Variants in WDR7 observed in about 807,000 individuals in gnomAD.
WDR7 encodes the protein WD repeat-containing protein 7.
WDR7 carries 46 observed loss-of-function variants against 169.4 expected under a neutral mutation model. The ratio of observed to expected loss-of-function variants is 0.27; its 90% confidence interval spans 0.21 to 0.35. WDR7 has a LOEUF of 0.35. Ranked by LOEUF, WDR7 falls within the 10% of genes least tolerant of loss-of-function variation. The pLI, the probability that WDR7 is intolerant of heterozygous loss-of-function variation, is 1.00. For synonymous variants in WDR7, 612 were observed against 666.8 expected (o/e 0.92, Z 1.27); for missense variants, 1,534 against 1,859.3 (o/e 0.83, Z 3.22).
intron 20 of WDR7, among the ~76,000 whole-genome samples, chr18:56,846,285 C>T (rs903925897): frequency 6.6e-6 from 1 of 151,956 alleles, no homozygotes; most frequent in Non-Finnish European, 1.5e-5. Context: ...TTGGCTGTGT[C>T]CCCACTCAAA....
chr18:56,789,556 G>A (rs1258032205), intron 19 of WDR7, among the ~76,000 whole-genome samples: 1 of 152,230 alleles, frequency 6.6e-6, no homozygotes, highest in Non-Finnish European at 1.5e-5. Flanking sequence ...TCAATCACAT[G>A]TCCCTTGTAT....
intron 1 of WDR7, among the ~76,000 whole-genome samples, chr18:56,658,732 C>T (rs536022337): frequency 7.2e-5 from 11 of 152,036 alleles, no homozygotes; most frequent in African/African-American, 1.2e-4. Context: ...TTTTTTTTAA[C>T]GACAGAGTCT....
chr18:56,674,914 T>C (rs1222538355), intron 2 of WDR7, among the ~76,000 whole-genome samples: 2 of 152,320 alleles, frequency 1.3e-5, no homozygotes, highest in Middle Eastern at 3.4e-3. Context: ...CCTAGCACTA[T>C]TGGTCAGAAG....
chr18:56,736,644 G>T (rs992606821), intron 14 of WDR7, among the ~76,000 whole-genome samples: 3 of 151,694 alleles, frequency 2.0e-5, no homozygotes, highest in African/African-American at 7.3e-5. Context: ...TAAGAATTGG[G>T]GTGTGTAGGT....
At position 56,781,556 on chromosome 18, in the gene WDR7, G is replaced by C. The variant is rs560174681; in HGVS notation, c.3090G>C (p.Leu1030=). The C allele has an allele frequency of 2.5e-6, 4 of 1,610,796 alleles. No homozygotes were observed. The African/African-American group carries it at 4.0e-5, about 16-fold the overall frequency. ...AGGTGAGAGAAGCCGCGCAGGCCCT[G>C]CTTCTGGCGGAACTGAGAAGAATTG... The part of the protein sequence containing the change: ...CLEVREAAQA[L]LLAELRRIEQ... The change falls in exon 19 of 28, where the codon CTG becomes CTC. Residue 1030 remains leucine (L), a synonymous_variant. Transcript: ENST00000254442.
chr18:56,799,526 C>T (rs979113003), intron 19 of WDR7, among the ~76,000 whole-genome samples: 1 of 151,922 alleles, frequency 6.6e-6, no homozygotes, highest in Non-Finnish European at 1.5e-5. Flanking sequence ...CATAAAAGAG[C>T]TGACAACACT....
At chr18:56,659,349 C>T (rs950768232) in intron 1 of WDR7, among the ~76,000 whole-genome samples, 19 of 152,058 alleles carry the variant, frequency 1.2e-4, no homozygotes, top group Admixed American at 2.0e-4. Context: ...CTTAAACCAA[C>T]GCAAACATAT....
intron 25 of WDR7, among the ~76,000 whole-genome samples, chr18:56,952,302 A>G (rs996972456): frequency 6.6e-6 from 1 of 152,222 alleles, no homozygotes; most frequent in Non-Finnish European, 1.5e-5. Context: ...TTCCTCCTGT[A>G]TGAAACAAGG....
At chr18:56,734,722 C>T (rs1313193404) in intron 14 of WDR7, among the ~76,000 whole-genome samples, 3 of 152,054 alleles carry the variant, frequency 2.0e-5, no homozygotes, top group East Asian at 1.9e-4. Context: ...TTTGTTCATA[C>T]GTTTCCCAAA....
At chr18:56,858,366 A>G (rs2045753894) in intron 20 of WDR7, among the ~76,000 whole-genome samples, 1 of 152,292 alleles carries the variant, frequency 6.6e-6, no homozygotes, top group East Asian at 1.9e-4. Flanking sequence ...TCACCATATA[A>G]TTCAAAAATT....
chr18:56,945,147 TAGTG>T (rs1267125696), intron 25 of WDR7, among the ~76,000 whole-genome samples: 1 of 151,998 alleles, frequency 6.6e-6, no homozygotes, highest in Non-Finnish European at 1.5e-5. Flanking sequence ...AATGTAAAAA[TAGTG>T]AGGAAATTGA....
At chr18:56,813,837 C>T (rs2044918311) in intron 19 of WDR7, among the ~76,000 whole-genome samples, 1 of 152,090 alleles carries the variant, frequency 6.6e-6, no homozygotes, top group Non-Finnish European at 1.5e-5. Flanking sequence ...GGTCTTTCAG[C>T]CTCAGTTACT....
chr18:56,924,409 A>G (rs2046774898), intron 22 of WDR7, among the ~76,000 whole-genome samples: 1 of 152,172 alleles, frequency 6.6e-6, no homozygotes, highest in African/African-American at 2.4e-5. Context: ...AATAAGGAAA[A>G]TGATATATAT....
chr18:57,017,787 A>G (rs1298832345), intron 26 of WDR7, among the ~76,000 whole-genome samples: 1 of 152,184 alleles, frequency 6.6e-6, no homozygotes, highest in Non-Finnish European at 1.5e-5. Context: ...TGGAAAGACA[A>G]ACATTTTCCC....
intron 13 of WDR7, among the ~76,000 whole-genome samples, chr18:56,730,504 T>C (rs2430900): frequency 0.92 from 139,845 of 152,102 alleles, 65,404 homozygotes; most frequent in East Asian, 1. Context: ...TGGTGGCTCA[T>C]GCCTGTAATC....
intron 21 of WDR7, among the ~76,000 whole-genome samples, chr18:56,899,245 T>C (rs1362854912): frequency 6.6e-6 from 1 of 152,008 alleles, no homozygotes; most frequent in Non-Finnish European, 1.5e-5. Flanking sequence ...CATTGTGTTA[T>C]TAGGTAGGTC....
chr18:56,939,833 A>C (rs1220613029), intron 25 of WDR7, among the ~76,000 whole-genome samples: 1 of 151,976 alleles, frequency 6.6e-6, no homozygotes, highest in African/African-American at 2.4e-5. Context: ...TCTTAAGTAT[A>C]GGTGTTTTCC....
At position 56,769,779 on chromosome 18, in the gene WDR7, T is replaced by C. The variant is rs1053154911; in HGVS notation, c.2849-7003T>C. On this transcript the variant is annotated intron_variant, in intron 16 of 27. Coordinates refer to ENST00000254442, the MANE Select transcript of WDR7 (RefSeq NM_015285.3). ...GTTAAATTATCTCAGGAAAGAGTTA[T>C]ATAAATTAAACAATAGTTTAATCAC... Among the ~76,000 whole-genome samples, 5 of 152,330 alleles carry C rather than the reference T, an allele frequency of 3.3e-5. No individual in the cohort carries two copies. The East Asian group carries it at 7.7e-4, about 24-fold the overall frequency.
chr18:56,925,034 TG>T (rs2046784746), intron 22 of WDR7, among the ~76,000 whole-genome samples: 1 of 152,218 alleles, frequency 6.6e-6, no homozygotes, highest in African/African-American at 2.4e-5. Flanking sequence ...ATACAAACTG[TG>T]GTCCTTTGTG....
Sources: gnomAD v4.1 joint callset for allele counts (sites outside exome capture counted in the v4.1 genomes callset) on GRCh38, gnomAD v4.1.1 for gene constraint, MANE v1.5 for transcripts, NCBI Gene and HGNC (gene_info 2026-07-23, HGNC 2026-07-21) for gene names.